RGS6: variants seen among roughly 807,000 people sequenced by gnomAD.
RGS6 encodes the protein regulator of G-protein signaling 6.
In RGS6, 30 loss-of-function variants were observed where a neutral mutation model predicts 78.5. That is an observed-to-expected ratio of 0.38 (90% CI 0.29 to 0.52). RGS6 has a LOEUF of 0.52. RGS6 is among the 20% of genes least tolerant of loss of function. The probability of loss-of-function intolerance (pLI) is 0.85; values close to 1 mark genes in which losing one functional copy is unlikely to be tolerated. For synonymous variants in RGS6, 206 were observed against 206.0 expected, an observed-to-expected ratio of 1.00 and a Z score of 0.00; for missense variants, 495 against 609.7, an observed-to-expected ratio of 0.81 and a Z score of 1.98.
At chr14:72,475,729 CA>C (rs1426233523) in intron 10 of RGS6, among the ~76,000 whole-genome samples, 9 of 150,346 alleles carry the variant, frequency 6.0e-5, no homozygotes, top group Non-Finnish European at 1.2e-4. Context: ...GACTCCATCT[CA>C]AAAAAAAATT....
At chr14:72,211,805 T>C (rs549684622) in intron 2 of RGS6, among the ~76,000 whole-genome samples, 1 of 152,208 alleles carries the variant, frequency 6.6e-6, no homozygotes, top group Non-Finnish European at 1.5e-5. Context: ...GAGTTACTAT[T>C]TTCTCCATGT....
At chr14:72,269,740 T>A (rs1398634074) in intron 2 of RGS6, among the ~76,000 whole-genome samples, 2 of 151,890 alleles carry the variant, frequency 1.3e-5, no homozygotes, top group Non-Finnish European at 2.9e-5. Flanking sequence ...AACTTTTGCA[T>A]TTTTAGTAGA....
chr14:72,315,935 C>T (rs1350658785), intron 2 of RGS6, among the ~76,000 whole-genome samples: 2 of 152,196 alleles, frequency 1.3e-5, no homozygotes, highest in Non-Finnish European at 1.5e-5. Context: ...CCACAGAGGC[C>T]AGAAACCACA....
chr14:72,041,643 C>G (rs2092409686), intron 2 of RGS6, among the ~76,000 whole-genome samples: 1 of 152,228 alleles, frequency 6.6e-6, no homozygotes, highest in African/African-American at 2.4e-5. Flanking sequence ...TGGGGAAAGG[C>G]TAAGAATAGC....
chr14:72,056,053 G>T (rs534074733), intron 2 of RGS6, among the ~76,000 whole-genome samples: 17 of 152,368 alleles, frequency 1.1e-4, no homozygotes, highest in Admixed American at 9.8e-4. Flanking sequence ...TTTTGATTCA[G>T]TAAGTCTTGG....
At chr14:72,474,477 G>C in intron 9 of RGS6, 148 bp from the exon 10 acceptor site, 1 of 675,084 alleles carries the variant, frequency 1.5e-6, no homozygotes, top group Non-Finnish European at 2.6e-6. Context: ...CTCCACAGAG[G>C]AATGCATATT....
chr14:72,038,182 C>G (rs990082580), intron 2 of RGS6, among the ~76,000 whole-genome samples: 1 of 152,048 alleles, frequency 6.6e-6, no homozygotes, highest in Non-Finnish European at 1.5e-5. Context: ...GTTGGCCAGT[C>G]TTGTCTTGAA....
the RGS6 span, among the ~76,000 whole-genome samples, chr14:71,887,985 C>T: frequency 5.8e-4 from 89 of 152,302 alleles, no homozygotes; most frequent in South Asian, 1.2e-3. Context: ...GAGACTCAAG[C>T]GGGCATCACG....
At chr14:72,177,162 G>T (rs1306812962) in intron 2 of RGS6, among the ~76,000 whole-genome samples, 4 of 151,544 alleles carry the variant, frequency 2.6e-5, no homozygotes, top group African/African-American at 7.3e-5. Context: ...TCTAATTTTT[G>T]TTTTTTTCAA....
intron 2 of RGS6, among the ~76,000 whole-genome samples, chr14:72,290,233 G>A (rs1329214857): frequency 1.3e-5 from 2 of 152,184 alleles, no homozygotes; most frequent in Admixed American, 6.5e-5. Context: ...CCAGTATGCT[G>A]CATAAACCCT....
At chr14:71,919,811 T>A in the RGS6 span, among the ~76,000 whole-genome samples, 1 of 152,014 alleles carries the variant, frequency 6.6e-6, no homozygotes, top group Non-Finnish European at 1.5e-5. Context: ...CTGGCCAACA[T>A]GGTGAAACTC....
chr14:72,570,805 T>G (rs2097719397), downstream of RGS6, among the ~76,000 whole-genome samples: 1 of 152,334 alleles, frequency 6.6e-6, no homozygotes. Context: ...TCCAAATAAT[T>G]GGAGTTTTGC....
At chr14:72,209,864 T>C (rs1286333747) in intron 2 of RGS6, among the ~76,000 whole-genome samples, 1 of 152,242 alleles carries the variant, frequency 6.6e-6, no homozygotes, top group African/African-American at 2.4e-5. Flanking sequence ...GGCTCTTTCT[T>C]AAGAAAGCAC....
intron 2 of RGS6, among the ~76,000 whole-genome samples, chr14:71,970,101 T>C (rs1388034783): frequency 6.6e-6 from 1 of 152,248 alleles, no homozygotes. Context: ...GGCTTGCTAA[T>C]AACATTTAAG....
At chr14:72,029,921 G>A (rs1242411186) in intron 2 of RGS6, among the ~76,000 whole-genome samples, 1 of 152,162 alleles carries the variant, frequency 6.6e-6, no homozygotes, top group Non-Finnish European at 1.5e-5. Context: ...GAGGTCAGTA[G>A]TCTGCTTTCA....
At chr14:72,255,335 C>T (rs1346332681) in intron 2 of RGS6, among the ~76,000 whole-genome samples, 1 of 152,098 alleles carries the variant, frequency 6.6e-6, no homozygotes, top group Non-Finnish European at 1.5e-5. Flanking sequence ...TTGGTTGACT[C>T]CTCAAGAAGG....
At chr14:72,251,052 G>A (rs1402510105) in intron 2 of RGS6, among the ~76,000 whole-genome samples, 1 of 152,230 alleles carries the variant, frequency 6.6e-6, no homozygotes, top group Non-Finnish European at 1.5e-5. Context: ...AGAGATGGTG[G>A]ATGCATGAAA....
intron 2 of RGS6, among the ~76,000 whole-genome samples, chr14:72,329,245 C>T (rs1345512497): frequency 1.3e-5 from 2 of 152,258 alleles, no homozygotes; most frequent in Non-Finnish European, 2.9e-5. Context: ...TTTACATGCA[C>T]ACACATACAT....
At chr14:72,459,749 G>T (rs958918289) in intron 6 of RGS6, 66 bp downstream of exon 6, 150 of 1,526,028 alleles carry the variant, frequency 9.8e-5, no homozygotes, top group Non-Finnish European at 1.3e-4. Context: ...GGGTGCAGAA[G>T]ACAAATGCTT....
Sources: allele counts gnomAD v4.1 joint callset (sites outside exome capture counted in the v4.1 genomes callset), GRCh38; gene constraint gnomAD v4.1.1; transcripts MANE v1.5; gene names NCBI Gene and HGNC (gene_info 2026-07-23, HGNC 2026-07-21).